MCC: variants seen among roughly 807,000 people sequenced by gnomAD.
The protein encoded by MCC is MCC regulator of Wnt signaling pathway, also known as colorectal mutant cancer protein.
A neutral mutation model predicts 116.2 loss-of-function variants in MCC; 90 were observed. The ratio of observed to expected loss-of-function variants is 0.77; its 90% CI spans 0.65 to 0.92. The LOEUF (loss-of-function observed/expected upper bound fraction) is 0.92. Ranked by LOEUF, MCC falls within the 40% of genes least tolerant of loss-of-function variation. The probability of loss-of-function intolerance (pLI) is 0.00; values close to 1 mark genes in which losing one functional copy is unlikely to be tolerated. For missense variants in MCC, 1,516 were observed against 1,312.2 expected, an observed-to-expected ratio of 1.16 and a Z score of -2.40; for synonymous variants, 578 against 510.5, an observed-to-expected ratio of 1.13 and a Z score of -1.78.
chr5:113,484,351 C>T (rs1772457969), intron 1 of MCC, among the ~76,000 whole-genome samples: 1 of 152,052 alleles, frequency 6.6e-6, no homozygotes, highest in Admixed American at 6.5e-5. Context: ...ATGTTTGAAA[C>T]ATTTTCCAAT....
At chr5:113,039,762 C>T (rs1162700655) in intron 17 of MCC, among the ~76,000 whole-genome samples, 1 of 150,730 alleles carries the variant, frequency 6.6e-6, no homozygotes, top group Admixed American at 6.6e-5. Context: ...CACCTGCTCC[C>T]GGCTGCCTCC....
intron 1 of MCC, among the ~76,000 whole-genome samples, chr5:113,404,432 A>G (rs1769776746): frequency 6.6e-6 from 1 of 152,202 alleles, no homozygotes; most frequent in Non-Finnish European, 1.5e-5. Context: ...CCAATGTAAC[A>G]CTGTGGCCAA....
intron 3 of MCC, among the ~76,000 whole-genome samples, chr5:113,221,229 G>A (rs1184838757): frequency 2.0e-5 from 3 of 152,154 alleles, no homozygotes; most frequent in Non-Finnish European, 4.4e-5. Context: ...AAAAGAAGTG[G>A]TGAACACAGA....
At chr5:113,287,068 G>C (rs183275571) in intron 3 of MCC, among the ~76,000 whole-genome samples, 1 of 151,610 alleles carries the variant, frequency 6.6e-6, no homozygotes, top group Non-Finnish European at 1.5e-5. Flanking sequence ...TTGGGAATCC[G>C]GGCAGATATA....
At chr5:113,096,261 T>A (rs1258997806) in intron 8 of MCC, among the ~76,000 whole-genome samples, 1 of 152,214 alleles carries the variant, frequency 6.6e-6, no homozygotes, top group East Asian at 1.9e-4. Flanking sequence ...TTGGCCCATG[T>A]CCAGTGGGTG....
chr5:113,107,076 C>A (rs951233688), intron 6 of MCC, among the ~76,000 whole-genome samples: 1 of 152,140 alleles, frequency 6.6e-6, no homozygotes, highest in Non-Finnish European at 1.5e-5. Flanking sequence ...TCTTCCTCAT[C>A]ATTTGTATCT....
At chr5:113,048,176 C>T (rs943581281) in intron 16 of MCC, among the ~76,000 whole-genome samples, 6 of 152,120 alleles carry the variant, frequency 3.9e-5, no homozygotes, top group Admixed American at 1.3e-4. Context: ...GACTTAAGGG[C>T]GATAATAAAT....
intron 3 of MCC, among the ~76,000 whole-genome samples, chr5:113,292,822 G>A (rs1766559855): frequency 6.6e-6 from 1 of 152,154 alleles, no homozygotes; most frequent in South Asian, 2.1e-4. Context: ...CTTCAGTTTT[G>A]GGGTTTTCAA....
intron 6 of MCC, among the ~76,000 whole-genome samples, chr5:113,118,848 CTTG>C (rs1377233804): frequency 2.6e-5 from 4 of 152,188 alleles, no homozygotes; most frequent in African/African-American, 7.2e-5. Flanking sequence ...TGAACTCCTC[CTTG>C]TTGTGCCCAA....
In MCC at chr5:113,024,440, T is replaced by C. The variant is rs1340529478; in HGVS notation, c.*2862A>G. ...ATTTGCACAGTTGGTTTTGTTTGCC[T>C]CAGTCCAACAATGGGAAATATATTC... is the stretch of plus-strand genomic sequence containing the variant. On this transcript the variant is annotated 3_prime_UTR_variant, in exon 19 of 19. Transcript: ENST00000408903. 1 of 152,210 alleles carries C rather than the reference T, an allele frequency of 6.6e-6. No homozygotes were observed. The highest frequency in any genetic ancestry group is 1.9e-4 in the East Asian group (1 of 5,194). 9.4% of individuals were successfully genotyped at this position (152,210 alleles called of 1,614,324 possible).
intron 17 of MCC, among the ~76,000 whole-genome samples, chr5:113,037,553 C>A (rs1393376025): frequency 6.6e-6 from 1 of 152,082 alleles, no homozygotes; most frequent in Non-Finnish European, 1.5e-5. Flanking sequence ...ATTAGCCAGG[C>A]GTGGTGGTGT....
intron 1 of MCC, among the ~76,000 whole-genome samples, chr5:113,441,332 CTG>C (rs1411677966): frequency 2.6e-5 from 4 of 151,364 alleles, no homozygotes; most frequent in Admixed American, 1.3e-4. Context: ...GAATGAGACA[CTG>C]TCTCAAAACA....
intron 3 of MCC, among the ~76,000 whole-genome samples, chr5:113,275,925 A>C (rs1242307116): frequency 6.6e-6 from 1 of 151,882 alleles, no homozygotes; most frequent in Non-Finnish European, 1.5e-5. Context: ...GTTCAAGTGA[A>C]ATTCCCTTTT....
rs747546062 is a variant in MCC, at chr5:113,064,083, G to C, written c.2114C>G (p.Ala705Gly). ...CRKTAENAAK[A>G]LLMKLDGSCG... ...GCTGCCGTCCAGCTTCATGAGCAGGGCCTTGGCAGCGTTCTCAGCTGTCTT... is the reference window on the plus strand; with the variant it reads ...GCTGCCGTCCAGCTTCATGAGCAGGCCCTTGGCAGCGTTCTCAGCTGTCTT... The change falls in exon 14 of 19, where the codon GCC becomes GGC. Residue 705 changes from alanine to glycine, a missense_variant. By Grantham distance (60) the Ala-to-Gly change is moderately conservative (BLOSUM62 0). Coordinates refer to ENST00000408903, the MANE Select transcript of MCC (RefSeq NM_001085377.2). 2 of 1,614,234 alleles carry C rather than the reference G, an allele frequency of 1.2e-6. No homozygotes were observed. Among genetic ancestry groups the C allele is most frequent in the Admixed American group, 3.3e-5 (2 of 60,032 alleles).
At chr5:113,411,819 C>T (rs945526720) in intron 1 of MCC, among the ~76,000 whole-genome samples, 5 of 152,064 alleles carry the variant, frequency 3.3e-5, no homozygotes, top group African/African-American at 4.8e-5. Flanking sequence ...CCATTGCTTT[C>T]GGTGTTTTAG....
intron 3 of MCC, among the ~76,000 whole-genome samples, chr5:113,207,647 T>C (rs1280393856): frequency 6.6e-6 from 1 of 152,170 alleles, no homozygotes; most frequent in Non-Finnish European, 1.5e-5. Context: ...AGGGCTCCCT[T>C]GAATAAAGGG....
chr5:113,134,348 C>T (rs1256210345), intron 5 of MCC, among the ~76,000 whole-genome samples: 1 of 152,102 alleles, frequency 6.6e-6, no homozygotes. Context: ...ATTGTATGTT[C>T]TTGGTACCTC....
chr5:113,363,135 G>A (rs1768588447), intron 2 of MCC, among the ~76,000 whole-genome samples: 1 of 152,094 alleles, frequency 6.6e-6, no homozygotes, highest in African/African-American at 2.4e-5. Flanking sequence ...AAAATTAGCT[G>A]GTGTGGTGGC....
intron 5 of MCC, among the ~76,000 whole-genome samples, chr5:113,128,482 A>G (rs1758220709): frequency 6.6e-6 from 1 of 152,242 alleles, no homozygotes; most frequent in Admixed American, 6.5e-5. Flanking sequence ...AGAATCTATT[A>G]CATACAGGAA....
Sources: allele counts gnomAD v4.1 joint callset (sites outside exome capture counted in the v4.1 genomes callset), GRCh38; gene constraint gnomAD v4.1.1; transcripts MANE v1.5; gene names NCBI Gene and HGNC (gene_info 2026-07-23, HGNC 2026-07-21).